The following CCDC136 variants were observed in gnomAD, a reference collection of about 807,000 sequenced individuals.
CCDC136 encodes coiled-coil domain containing 136.
In CCDC136, 100 loss-of-function variants were observed where a neutral mutation model predicts 141.2. The observed-to-expected ratio is 0.71, with a 90% CI of 0.60 to 0.84. The LOEUF (loss-of-function observed/expected upper bound fraction) is 0.84, where lower values mean the gene tolerates loss of function less well. Ranked by LOEUF, CCDC136 falls within the 40% of genes least tolerant of loss-of-function variation. The probability of loss-of-function intolerance (pLI) is 0.00; values close to 1 mark genes in which losing one functional copy is unlikely to be tolerated. For missense variants in CCDC136, 1,206 were observed against 1,379.4 expected (o/e 0.87, Z 1.99); for synonymous variants, 474 against 531.9 (o/e 0.89, Z 1.50).
rs1805352995 is a variant in CCDC136 at position 128,809,367 on chromosome 7, A to G, written c.1606-83A>G. ...CAGGGAGAGGATCACAAGAGGCAGG[A>G]GAGCGCAGAAGTGCTCTGTTAGCCA... On this transcript the variant is annotated intron_variant, in intron 10 of 17. Transcript: ENST00000297788. The G allele has an allele frequency of 3.4e-6, 3 of 892,858 alleles. No homozygotes were observed. The East Asian group carries it at 8.0e-5, about 24-fold the overall frequency. 55.3% of individuals were successfully genotyped at this position (892,858 alleles called of 1,614,324 possible). A position where few individuals can be genotyped will look rare whatever the true frequency, so the allele number is the denominator to read the frequency against.
chr7:128,804,858 T>C (rs995075757), intron 5 of CCDC136, 97 bp downstream of exon 5: 1 of 723,666 alleles, frequency 1.4e-6, no homozygotes, highest in African/African-American at 1.8e-5. Flanking sequence ...GCAGTGAGCG[T>C]TCCTTTGCTC....
At chr7:128,806,148 T>A (rs1441318908) in intron 7 of CCDC136, 89 bp from the exon 8 acceptor site, 2 of 1,233,000 alleles carry the variant, frequency 1.6e-6, no homozygotes, top group African/African-American at 3.1e-5. Context: ...CCTCAAGATG[T>A]CTGCATCTGA....
Position 128,805,254 on chromosome 7 carries a change from C to T in CCDC136, c.783-105C>T. The T allele has an allele frequency of 2.1e-6, 2 of 934,256 alleles. No individual in the cohort carries two copies. The highest frequency in any genetic ancestry group is 3.3e-6 in the Non-Finnish European group (2 of 597,994). The allele number at this position is 934,256 out of a possible 1,614,324, so 57.9% of individuals were successfully genotyped here. A position where few individuals can be genotyped will look rare whatever the true frequency, so the allele number is the denominator to read the frequency against. ...AGCGGTGAGTCACAATAGAAGGCCC[C>T]TTACTATCTTTGGCCTAAAATGAAG... On this transcript the variant is annotated intron_variant, in intron 5 of 17. Transcript: ENST00000297788. This position sits in a 1 kb window ranked among gnomAD's most constrained non-coding sequence, Gnocchi z 4.6.
At position 128,821,874 on chromosome 7, in the gene CCDC136, C is replaced by G. The variant is rs1394523973; in HGVS notation, c.*81C>G. ...GGCTCTGTATGTGTTACCCAACATG[C>G]GACAGCAGGAGTCAGAGTTCTGCCT... On this transcript the variant is annotated 3_prime_UTR_variant, in exon 18 of 18. Transcript: ENST00000297788. The surrounding 1 kb of genome is among the most constrained non-coding windows in gnomAD (Gnocchi z 5.1). The G allele has an allele frequency of 7.8e-7, 1 of 1,290,146 alleles. No homozygotes were observed. Among genetic ancestry groups the G allele is most frequent in the Non-Finnish European group, 1.0e-6 (1 of 988,946 alleles). The allele number at this position is 1,290,146 out of a possible 1,614,324, so 79.9% of individuals were successfully genotyped here. A position where few individuals can be genotyped will look rare whatever the true frequency, so the allele number is the denominator to read the frequency against.
chr7:128,810,203 A>C lies in CCDC136; in HGVS notation c.1865A>C (p.Gln622Pro), dbSNP rs959012381. The C allele has an allele frequency of 3.1e-6, 5 of 1,610,352 alleles. No homozygotes were observed. In the African/African-American group the frequency reaches 6.7e-5, roughly 22 times the overall value. ...CTGCAGCTGCTCTACCAAGGCATGC[A>C]GGAGGAACAGAAGAAGCTGATACAG... ...CELQLLYQGMQEEQKKLIQNQ... is the reference protein window; with the variant it reads ...CELQLLYQGMPEEQKKLIQNQ... Residue 622 changes from glutamine to proline, a missense_variant, in exon 12 of 18, where the codon CAG (glutamine) becomes CCG (proline). Transcript: ENST00000297788.
intron 9 of CCDC136, 29 bp downstream of exon 9, chr7:128,806,887 G>A: frequency 5.1e-6 from 8 of 1,571,372 alleles, no homozygotes; most frequent in African/African-American, 1.4e-5. Flanking sequence ...GAGGGAGGAT[G>A]TAGCCAGGCA....
chr7:128,801,194 C>A lies in CCDC136; in HGVS notation c.355C>A (p.Arg119Ser). Residue 119 changes from arginine to serine, a missense_variant, in exon 4 of 18, where the codon CGT (arginine) becomes AGT (serine). Physicochemically the swap from Arg to Ser is moderately radical, Grantham distance 110 (BLOSUM62 -1). Coordinates refer to ENST00000297788, the MANE Select transcript of CCDC136 (RefSeq NM_022742.5). Reference protein sequence around the residue: ...KQIQQLQGELRSLREEISLLE... With the variant: ...KQIQQLQGELSSLREEISLLE... ...ACCTTTGGACTTTGCAGGTGAGCTG[C>A]GTTCTCTACGGGAGGAGATTTCCCT... The A allele has an allele frequency of 1.2e-6, 2 of 1,610,646 alleles. No individual in the cohort carries two copies. The highest frequency in any genetic ancestry group is 1.7e-6 in the Non-Finnish European group (2 of 1,177,178).
At chr7:128,820,562 C>A (rs1439176795) in intron 17 of CCDC136, among the ~76,000 whole-genome samples, 1 of 152,178 alleles carries the variant, frequency 6.6e-6, no homozygotes, top group Non-Finnish European at 1.5e-5. Context: ...GGCATCTGAG[C>A]ATATAAATAT....
Position 128,811,939 on chromosome 7 carries a change from G to T in CCDC136, c.2168G>T (p.Cys723Phe). ...AGGCTGCAGGCAGACTTGCAGCTCT[G>T]CCTGGAAGAAATGCAGCTGCTTCAA... Reference protein sequence around the residue: ...RKRLQADLQLCLEEMQLLQVQ... With the variant: ...RKRLQADLQLFLEEMQLLQVQ... Residue 723 changes from cysteine to phenylalanine, a missense_variant, in exon 13 of 18, where the codon TGC (cysteine) becomes TTC (phenylalanine). Cys to Phe is a radical substitution (Grantham distance 205, BLOSUM62 -2). Coordinates refer to ENST00000297788, the MANE Select transcript of CCDC136 (RefSeq NM_022742.5). 5 of 1,613,998 alleles carry T rather than the reference G, an allele frequency of 3.1e-6. No individual in the cohort carries two copies. Among genetic ancestry groups the T allele is most frequent in the Non-Finnish European group, 4.2e-6 (5 of 1,179,880 alleles).
At chr7:128,791,368 A>T, upstream of CCDC136, 1 of 565,398 alleles carries the variant, frequency 1.8e-6, no homozygotes, top group Non-Finnish European at 2.6e-6. The surrounding 1 kb of genome is among the most constrained non-coding windows in gnomAD (Gnocchi z 7.1). Flanking sequence ...GGGCGGTGTC[A>T]GGAGGCCCGG....
In CCDC136 at chr7:128,806,684, A is replaced by G. The variant is rs776672988; in HGVS notation, c.1249-4A>G. 22 of 1,608,910 alleles carry G rather than the reference A, an allele frequency of 1.4e-5. No individual in the cohort carries two copies. The highest frequency in any genetic ancestry group is 5.0e-5 in the Admixed American group (3 of 59,682). On this transcript the variant is annotated splice_polypyrimidine_tract_variant and splice_region_variant and intron_variant, in intron 8 of 17. Coordinates refer to ENST00000297788, the MANE Select transcript of CCDC136 (RefSeq NM_022742.5). Reference sequence around the variant, plus strand: ...GGCACTGCCCAAAGCCCCCTCTACCATAGGAGTTACTGTGCCGGCTGCAGA... The same window carrying G: ...GGCACTGCCCAAAGCCCCCTCTACCGTAGGAGTTACTGTGCCGGCTGCAGA...
intron 11 of CCDC136, 35 bp from the exon 12 acceptor site, chr7:128,810,104 C>T (rs942599784): frequency 7.4e-7 from 1 of 1,348,600 alleles, no homozygotes; most frequent in Non-Finnish European, 1.0e-6. Flanking sequence ...GTGACCACCA[C>T]CATCCCTTGC....
At chr7:128,804,811 G>A (rs762626056) in intron 5 of CCDC136, 50 bp downstream of exon 5, 9 of 1,225,560 alleles carry the variant, frequency 7.3e-6, no homozygotes, top group African/African-American at 1.5e-5. Context: ...ACAGGACTCT[G>A]CCTTACCTTG....
rs770018177 is a variant in CCDC136 at position 128,815,755 on chromosome 7, G to C, written c.3187G>C (p.Val1063Leu). 2 of 1,567,182 alleles carry C rather than the reference G, an allele frequency of 1.3e-6. No individual in the cohort carries two copies. The highest frequency in any genetic ancestry group is 1.7e-6 in the Non-Finnish European group (2 of 1,156,330). Residue 1063 changes from valine (V) to leucine (L), a missense_variant, in exon 16 of 18, where the codon GTT becomes CTT. Transcript: ENST00000297788. ...EAKEQCGDELVAEPADPEEAK... is the reference protein window; with the variant it reads ...EAKEQCGDELLAEPADPEEAK... ...AAAGGAGCAGTGTGGGGATGAGCTA[G>C]TTGCTGAGCCAGCAGATCCTGAGGA...
At chr7:128,803,876 A>G (rs1358391728) in intron 4 of CCDC136, among the ~76,000 whole-genome samples, 1 of 146,182 alleles carries the variant, frequency 6.8e-6, no homozygotes, top group Non-Finnish European at 1.5e-5. Context: ...GTGCAGTGGC[A>G]CAGTCTTGGC....
At chr7:128,798,677 T>G (rs1046226935) in intron 3 of CCDC136, among the ~76,000 whole-genome samples, 1 of 152,160 alleles carries the variant, frequency 6.6e-6, no homozygotes, top group African/African-American at 2.4e-5. Flanking sequence ...CTAGGGCCTT[T>G]GTCCTAATGG....
At chr7:128,811,424 C>A in intron 12 of CCDC136, 1 of 456,046 alleles carries the variant, frequency 2.2e-6, no homozygotes, top group South Asian at 1.6e-5. Flanking sequence ...TAGGGGTGGG[C>A]GAGGGGACTG....
intron 17 of CCDC136, chr7:128,818,381 C>T (rs73721644): frequency 4.4e-5 from 7 of 158,048 alleles, no homozygotes; most frequent in African/African-American, 1.7e-4. Flanking sequence ...TCCTCATGAT[C>T]CTCCCAGGGG....
At chr7:128,820,192 G>C (rs901006282) in intron 17 of CCDC136, among the ~76,000 whole-genome samples, 3 of 152,316 alleles carry the variant, frequency 2.0e-5, no homozygotes, top group Admixed American at 6.5e-5. Context: ...AGAGCCTCTA[G>C]AGTGTCGTCT....
Sources: gnomAD v4.1 joint callset for allele counts (sites outside exome capture counted in the v4.1 genomes callset) on GRCh38, gnomAD v4.1.1 for gene constraint, Gnocchi (gnomAD v3.1) non-coding constraint, MANE v1.5 for transcripts, NCBI Gene and HGNC (gene_info 2026-07-23, HGNC 2026-07-21) for gene names.